The following ACACB variants were observed in gnomAD, a reference collection of about 807,000 sequenced individuals.
ACACB encodes acetyl-CoA carboxylase beta.
A neutral mutation model predicts 278.8 loss-of-function variants in ACACB; 209 were observed. The ratio of observed to expected loss-of-function variants is 0.75; its 90% CI spans 0.67 to 0.84. The LOEUF is 0.84. Among genes scored for constraint, ACACB ranks in the 40% least tolerant of loss-of-function variants. The pLI is 0.00. For missense variants in ACACB, 2,850 were observed against 3,269.0 expected, an observed-to-expected ratio of 0.87 and a Z score of 3.13; for synonymous variants, 1,174 against 1,285.6, an observed-to-expected ratio of 0.91 and a Z score of 1.86.
At chr12:109,242,672 T>C (rs993073810) in intron 37 of ACACB, 80 bp downstream of exon 37, 2 of 1,525,782 alleles carry the variant, frequency 1.3e-6, no homozygotes, top group South Asian at 2.4e-5. Context: ...TCCTTAATTC[T>C]CCTTCTAAAG....
chr12:109,156,430 A>G (rs778806446), intron 2 of ACACB, among the ~76,000 whole-genome samples: 4 of 151,950 alleles, frequency 2.6e-5, no homozygotes, highest in Admixed American at 6.6e-5. Flanking sequence ...GGAAAGACTA[A>G]GGGAAGAGGA....
rs961822385 is a variant in ACACB at position 109,253,142 on chromosome 12, T to C, written c.6029T>C (p.Leu2010Pro). The C allele has an allele frequency of 6.3e-7, 1 of 1,592,262 alleles. No homozygotes were observed. The highest frequency in any genetic ancestry group is 8.6e-7 in the Non-Finnish European group (1 of 1,167,472). The change falls in exon 43 of 53, where the codon CTG (leucine) becomes CCG (proline). Residue 2010 changes from leucine to proline, a missense_variant. Around this residue, in one of 3 missense-constraint regions of ACACB, gnomAD observed 579 missense variants for 684.6 expected, o/e 0.85. Transcript: ENST00000338432. ...GGGGTTTATACCATCCTGGAGTGGC[T>C]GTCCTATATGCCAAAGGTGCAGTAC... ...FEGVYTILEW[L>P]SYMPKDNHSP...
Position 109,152,640 on chromosome 12 carries a change from CTTTTTT to C in ACACB, c.653+12602_653+12607del, listed in dbSNP as rs34863094. Among the ~76,000 whole-genome samples the C allele has an allele frequency of 5.7e-4, 43 of 74,870 alleles. 1 individual carries two copies. Among genetic ancestry groups the C allele is most frequent in the African/African-American group, 1.9e-3 (39 of 20,780 alleles). The allele number at this position is 74,870 out of a possible 152,430, so 49.1% of individuals were successfully genotyped here. A position where few individuals can be genotyped will look rare whatever the true frequency, so the allele number is the denominator to read the frequency against. On this transcript the variant is annotated intron_variant, in intron 2 of 52. Coordinates refer to ENST00000338432, the MANE Select transcript of ACACB (RefSeq NM_001093.4). ...GCCTGTGCCTTTTCTTTCTTTCTTT[CTTTTTT>C]TTTTTTTTTTTTTTTTTTTGAGAAA...
At chr12:109,212,727 C>A in intron 21 of ACACB, 109 bp from the exon 22 acceptor site, 1 of 857,872 alleles carries the variant, frequency 1.2e-6, no homozygotes, top group Non-Finnish European at 1.9e-6. Context: ...TCCTAACAGG[C>A]CACGGACCAG....
At chr12:109,221,895 G>GC (rs2046173479) in intron 24 of ACACB, among the ~76,000 whole-genome samples, 5 of 89,898 alleles carry the variant, frequency 5.6e-5, no homozygotes, top group Admixed American at 1.0e-4. Flanking sequence ...TTTTTTTTTT[G>GC]GGGGGGAGAC....
chr12:109,262,018 G>A (rs902217463), intron 48 of ACACB, among the ~76,000 whole-genome samples: 2 of 152,124 alleles, frequency 1.3e-5, no homozygotes, highest in African/African-American at 4.8e-5. Flanking sequence ...TAGGAGGGCA[G>A]AAATTAGCAA....
chr12:109,194,610 C>CTGTGTGTGTGTGTGTGTGTGTG (rs144545047), intron 16 of ACACB, among the ~76,000 whole-genome samples: 2 of 95,316 alleles, frequency 2.1e-5, no homozygotes, highest in African/African-American at 6.6e-5. Flanking sequence ...GCCTCTGCCT[C>CTGTGTGTGTGTGTGTGTGTGTG]TGTGTGTGTG....
intron 22 of ACACB, among the ~76,000 whole-genome samples, chr12:109,216,207 TTCTC>T (rs1057315766): frequency 6.1e-5 from 9 of 147,614 alleles, no homozygotes; most frequent in South Asian, 4.2e-4. Flanking sequence ...CTAAAATCCT[TTCTC>T]TCTCTCTCTT....
Position 109,245,657 on chromosome 12 carries a change from A to G in ACACB, c.5210A>G (p.Lys1737Arg). Residue 1737 changes from lysine to arginine, a missense_variant, in exon 38 of 53, where the codon AAG becomes AGG. Lys to Arg is a conservative substitution (Grantham distance 26). Transcript: ENST00000338432. ...TTTAAACTGTGGGGCTCCCCAGACA[A>G]GTATCCCAAAGACATCCTGACATAC... ...ALFKLWGSPDKYPKDILTYTE... is the reference protein window; with the variant it reads ...ALFKLWGSPDRYPKDILTYTE... 1.9e-6 allele frequency: 3 copies of G among 1,614,156 alleles called. No homozygotes were observed. Among genetic ancestry groups the G allele is most frequent in the Non-Finnish European group, 2.5e-6 (3 of 1,180,006 alleles).
chr12:109,131,046 C>CAAT (rs922139370), intron 1 of ACACB, among the ~76,000 whole-genome samples: 26 of 152,138 alleles, frequency 1.7e-4, no homozygotes, highest in African/African-American at 6.3e-4. Flanking sequence ...GGCAAGAGGG[C>CAAT]AATTGCATGA....
At chr12:109,254,400 A>G in intron 44 of ACACB, 66 bp downstream of exon 44, 2 of 1,464,162 alleles carry the variant, frequency 1.4e-6, no homozygotes, top group Non-Finnish European at 1.8e-6. Context: ...GAGACAAAGG[A>G]GCACTTTGTC....
intron 5 of ACACB, 148 bp from the exon 6 acceptor site, chr12:109,172,127 G>T: frequency 1.2e-6 from 1 of 834,284 alleles, no homozygotes; most frequent in Non-Finnish European, 2.0e-6. Context: ...TCGCCATGTT[G>T]GCCAGGCTGG....
At chr12:109,224,390 C>T (rs1000268577) in intron 27 of ACACB, among the ~76,000 whole-genome samples, 3 of 151,646 alleles carry the variant, frequency 2.0e-5, no homozygotes, top group Non-Finnish European at 4.4e-5. Flanking sequence ...GGTAGAAGGG[C>T]GTGGCCAGTA....
chr12:109,183,649 C>G (rs1017528677), intron 11 of ACACB, among the ~76,000 whole-genome samples: 1 of 152,142 alleles, frequency 6.6e-6, no homozygotes, highest in Non-Finnish European at 1.5e-5. Context: ...TGTAGATTTA[C>G]TGAATTTGTC....
rs1375580583 is a variant in ACACB, at chr12:109,167,954, G to A, written c.845G>A (p.Trp282Ter). ...AAGTGCATGCGCTCCATCCGCAGGTGGGCCTATGAGATGTTCCGCAACGAG... is the reference window on the plus strand; with the variant it reads ...AAGTGCATGCGCTCCATCCGCAGGTAGGCCTATGAGATGTTCCGCAACGAG... ...AVKCMRSIRRWAYEMFRNERA... is the reference protein window; with the variant it reads ...AVKCMRSIRR The change falls in exon 4 of 53, where the codon TGG (tryptophan) becomes TAG (stop). Residue 282 changes from tryptophan (W) to a stop codon, truncating the protein, a stop_gained. Transcript: ENST00000338432. LOFTEE classifies it high-confidence loss of function. 6.2e-7 allele frequency: 1 copy of A among 1,613,998 alleles called. No homozygotes were observed. The highest frequency in any genetic ancestry group is 2.2e-5 in the East Asian group (1 of 44,814).
At chr12:109,246,931 G>A (rs1294099459) in intron 39 of ACACB, among the ~76,000 whole-genome samples, 1 of 152,140 alleles carries the variant, frequency 6.6e-6, no homozygotes, top group African/African-American at 2.4e-5. Flanking sequence ...AAAACTAGGT[G>A]AGCATGATGG....
intron 1 of ACACB, among the ~76,000 whole-genome samples, chr12:109,119,300 G>T (rs1477416391): frequency 6.6e-6 from 1 of 152,018 alleles, no homozygotes; most frequent in African/African-American, 2.4e-5. Context: ...CATAGAAAAG[G>T]TCTCTTCAGG....
At chr12:109,125,170 A>G (rs1408992485) in intron 1 of ACACB, 1 of 152,224 alleles carries the variant, frequency 6.6e-6, no homozygotes, top group Non-Finnish European at 1.5e-5. Context: ...CCTAGCAGCC[A>G]TGAAAAGTAT....
At chr12:109,184,270 C>G (rs553315051) in intron 11 of ACACB, among the ~76,000 whole-genome samples, 2 of 152,260 alleles carry the variant, frequency 1.3e-5, no homozygotes, top group South Asian at 4.1e-4. Context: ...CCAGGCTGGT[C>G]TCGAACTCCT....
Sources: allele counts gnomAD v4.1 joint callset (sites outside exome capture counted in the v4.1 genomes callset), GRCh38; gene constraint gnomAD v4.1.1; regional missense constraint gnomAD v4.1.1; transcripts MANE v1.5; gene names NCBI Gene and HGNC (gene_info 2026-07-23, HGNC 2026-07-21).